PTPRB: variants seen among roughly 807,000 people sequenced by gnomAD.
The protein encoded by PTPRB is receptor-type tyrosine-protein phosphatase beta.
PTPRB carries 97 observed loss-of-function variants against 238.1 expected under a neutral mutation model. The observed-to-expected ratio is 0.41, with a 90% CI of 0.35 to 0.48. The LOEUF is 0.48. Among genes scored for constraint, PTPRB ranks in the 20% least tolerant of loss-of-function variants. PTPRB has a pLI of 0.30. For synonymous variants in PTPRB, 970 were observed against 995.4 expected, an observed-to-expected ratio of 0.97 and a Z score of 0.48; for missense variants, 2,292 against 2,681.9, an observed-to-expected ratio of 0.85 and a Z score of 3.21.
intron 11 of PTPRB, among the ~76,000 whole-genome samples, chr12:70,574,724 AAC>A (rs1282669909): frequency 1.3e-5 from 2 of 152,202 alleles, no homozygotes; most frequent in African/African-American, 4.8e-5. Flanking sequence ...TCATCAAGAG[AAC>A]AACTCAGACA....
rs1447768067 is a variant in PTPRB, at chr12:70,586,994, T to C, written c.2311+13A>G. 4 of 1,600,442 alleles carry C rather than the reference T, an allele frequency of 2.5e-6. No homozygotes were observed. The highest frequency in any genetic ancestry group is 2.7e-5 in the African/African-American group (2 of 74,180). On this transcript the variant is annotated intron_variant, in intron 9 of 33. Coordinates refer to ENST00000334414, the MANE Select transcript of PTPRB (RefSeq NM_001109754.4). ...AGAACACTTTAAAATGTAAAATTTATAAAGGTTACTACCTGTTCTTCCTTT... is the reference window on the plus strand; with the variant it reads ...AGAACACTTTAAAATGTAAAATTTACAAAGGTTACTACCTGTTCTTCCTTT...
chr12:70,589,923 A>C, intron 8 of PTPRB, 41 bp downstream of exon 8: 2 of 1,580,338 alleles, frequency 1.3e-6, no homozygotes, highest in Non-Finnish European at 1.7e-6. Context: ...GAGGGAACAA[A>C]TTACTCTTCC....
At position 70,552,732 on chromosome 12, in the gene PTPRB, A is replaced by G. The variant is rs772928818; in HGVS notation, c.5387+45T>C. On this transcript the variant is annotated intron_variant, in intron 21 of 33. Transcript: ENST00000334414. ...TTGCTCAGACAGCTGAGTGCTTAGT[A>G]ATGTAGCATGTCCCTTCTAGCAAAA... 21 of 1,605,646 alleles carry G rather than the reference A, an allele frequency of 1.3e-5. No homozygotes were observed. In the Admixed American group the frequency reaches 2.3e-4, roughly 18 times the overall value.
rs1270669486 is a variant in PTPRB, at chr12:70,590,200, T to G, written c.1814A>C (p.Asn605Thr). 6.3e-7 allele frequency: 1 copy of G among 1,585,374 alleles called. No homozygotes were observed. The highest frequency in any genetic ancestry group is 1.8e-5 in the Admixed American group (1 of 56,840). ...TACAAGAGACCTCATCCTGCCATTA[T>G]TGTTTGCCTCCAGGTTTGCAACTTT... Reference protein sequence around the residue: ...PDKVANLEANNNGRMRSLVVS... With the variant: ...PDKVANLEANTNGRMRSLVVS... Residue 605 changes from asparagine to threonine, a missense_variant, in exon 8 of 34, where the codon AAT (asparagine) becomes ACT (threonine). By Grantham distance (65) the Asn-to-Thr change is moderately conservative (BLOSUM62 0). Transcript: ENST00000334414.
intron 21 of PTPRB, among the ~76,000 whole-genome samples, chr12:70,545,131 T>G (rs1308556740): frequency 1.3e-5 from 2 of 152,166 alleles, no homozygotes; most frequent in Non-Finnish European, 2.9e-5. Flanking sequence ...CTAAAAGATT[T>G]GCTGATGAAT....
chr12:70,586,494 G>A (rs1174171560), intron 9 of PTPRB, among the ~76,000 whole-genome samples: 1 of 152,118 alleles, frequency 6.6e-6, no homozygotes, highest in Non-Finnish European at 1.5e-5. Flanking sequence ...AGCTGACATT[G>A]AGATTAGATT....
intron 7 of PTPRB, 95 bp from the exon 8 acceptor site, chr12:70,590,328 A>C (rs1882355626): frequency 1.6e-6 from 2 of 1,259,332 alleles, no homozygotes; most frequent in African/African-American, 1.5e-5. Flanking sequence ...AGGAGACACA[A>C]TATCTGCAGT....
intron 2 of PTPRB, among the ~76,000 whole-genome samples, chr12:70,624,726 C>G (rs1282387910): frequency 6.6e-6 from 1 of 151,928 alleles, no homozygotes; most frequent in Non-Finnish European, 1.5e-5. Flanking sequence ...GCTCTTAGAC[C>G]CTCAAAAAAA....
In PTPRB at chr12:70,555,282, C is replaced by A; in HGVS notation, c.5021G>T (p.Arg1674Leu). The A allele has an allele frequency of 6.2e-7, 1 of 1,612,408 alleles. No individual in the cohort carries two copies. The highest frequency in any genetic ancestry group is 8.5e-7 in the Non-Finnish European group (1 of 1,179,618). The change falls in exon 20 of 34, where the codon CGT becomes CTT. Residue 1674 changes from arginine (R) to leucine (L), a missense_variant. Arg to Leu is a moderately radical substitution (Grantham distance 102, BLOSUM62 -2). Coordinates refer to ENST00000334414, the MANE Select transcript of PTPRB (RefSeq NM_001109754.4). ...AATTAGCACATCCTTTTCATTCACA[C>A]GAATGTGTGGGGGTGGAGGAGGGGG... is the stretch of plus-strand genomic sequence containing the variant. Reference protein sequence around the residue: ...DRPPPPPPHIRVNEKDVLISK... With the variant: ...DRPPPPPPHILVNEKDVLISK...
chr12:70,580,496 G>T (rs1881260100), intron 10 of PTPRB, among the ~76,000 whole-genome samples: 1 of 152,242 alleles, frequency 6.6e-6, no homozygotes, highest in Non-Finnish European at 1.5e-5. Context: ...TAGACATCGA[G>T]TGAGGAGTTC....
At chr12:70,534,749 C>T in intron 30 of PTPRB, 84 bp downstream of exon 30, 2 of 1,599,584 alleles carry the variant, frequency 1.3e-6, no homozygotes, top group Middle Eastern at 1.7e-4. Context: ...GCTGAAACTA[C>T]AAGAGAGGAA....
intron 5 of PTPRB, 50 bp from the exon 6 acceptor site, chr12:70,594,774 G>A (rs1440850761): frequency 6.3e-7 from 1 of 1,591,124 alleles, no homozygotes; most frequent in Non-Finnish European, 8.6e-7. Context: ...TCCCTTATAG[G>A]AGACATAGAC....
chr12:70,602,344 T>C (rs1883581328), intron 4 of PTPRB, among the ~76,000 whole-genome samples: 1 of 152,226 alleles, frequency 6.6e-6, no homozygotes, highest in South Asian at 2.1e-4. Context: ...TATTCTTCAG[T>C]AGTTCCAGCC....
At chr12:70,533,570 G>A (rs1192344864) in intron 31 of PTPRB, among the ~76,000 whole-genome samples, 1 of 152,194 alleles carries the variant, frequency 6.6e-6, no homozygotes, top group Non-Finnish European at 1.5e-5. Flanking sequence ...GAAAAAATTA[G>A]GTGCTACAGG....
At chr12:70,528,627 G>A (rs1224212505) in intron 32 of PTPRB, among the ~76,000 whole-genome samples, 1 of 152,122 alleles carries the variant, frequency 6.6e-6, no homozygotes, top group African/African-American at 2.4e-5. Context: ...TGAACATAGT[G>A]AGATCTTATC....
At chr12:70,595,278 T>C (rs777928273) in intron 5 of PTPRB, among the ~76,000 whole-genome samples, 7 of 151,718 alleles carry the variant, frequency 4.6e-5, no homozygotes, top group Non-Finnish European at 8.8e-5. Flanking sequence ...GAGGGGAACA[T>C]CACACACGGG....
chr12:70,555,045 C>T (rs1877445219), intron 20 of PTPRB, 115 bp downstream of exon 20: 1 of 1,285,528 alleles, frequency 7.8e-7, no homozygotes, highest in Non-Finnish European at 1.1e-6. Flanking sequence ...GTGAATGATA[C>T]AAAAATTACA....
chr12:70,534,375 G>T, intron 31 of PTPRB, 113 bp downstream of exon 31: 3 of 1,198,170 alleles, frequency 2.5e-6, no homozygotes, highest in Non-Finnish European at 3.5e-6. Context: ...CAGGCTGGTT[G>T]GTCCAGACAA....
At chr12:70,582,361 G>C (rs1355003776) in intron 9 of PTPRB, among the ~76,000 whole-genome samples, 2 of 152,130 alleles carry the variant, frequency 1.3e-5, no homozygotes, top group African/African-American at 4.8e-5. Flanking sequence ...AACAGCTACA[G>C]TGGCCAAAGC....
Sources: allele counts gnomAD v4.1 joint callset (sites outside exome capture counted in the v4.1 genomes callset), GRCh38; gene constraint gnomAD v4.1.1; transcripts MANE v1.5; gene names NCBI Gene and HGNC (gene_info 2026-07-23, HGNC 2026-07-21).